The following GABBR2 variants were observed in gnomAD, a reference collection of about 807,000 sequenced individuals.
GABBR2 encodes G-protein coupled receptor 51.
A neutral mutation model predicts 105.6 loss-of-function variants in GABBR2; 23 were observed. The observed-to-expected ratio is 0.22, with a 90% CI of 0.16 to 0.31. The LOEUF is 0.31. Ranked by LOEUF, GABBR2 falls within the 10% of genes least tolerant of loss-of-function variation. GABBR2 has a pLI of 1.00. For synonymous variants in GABBR2, 478 were observed against 499.7 expected (o/e 0.96, Z 0.58); for missense variants, 734 against 1,245.5 (o/e 0.59, Z 6.18).
At chr9:98,316,892 G>A (rs760591762) in intron 13 of GABBR2, among the ~76,000 whole-genome samples, 1 of 152,120 alleles carries the variant, frequency 6.6e-6, no homozygotes, top group East Asian at 1.9e-4. Flanking sequence ...AGTAAGTCTC[G>A]GGGCTGAGAT....
chr9:98,677,662 GA>G (rs1830493084), intron 1 of GABBR2, among the ~76,000 whole-genome samples: 1 of 152,104 alleles, frequency 6.6e-6, no homozygotes, highest in Non-Finnish European at 1.5e-5. Flanking sequence ...ATCCCTATGG[GA>G]TCATCCCTTC....
intron 1 of GABBR2, among the ~76,000 whole-genome samples, chr9:98,699,399 AC>A (rs1271484999): frequency 6.6e-6 from 1 of 151,974 alleles, no homozygotes; most frequent in African/African-American, 2.4e-5. Context: ...AATAATAAGA[AC>A]CCGAAAGAAT....
chr9:98,481,013 C>T lies in GABBR2; in HGVS notation c.733-16G>A, dbSNP rs754011614. 5.1e-6 allele frequency: 8 copies of T among 1,560,338 alleles called. No individual in the cohort carries two copies. In the South Asian group the frequency reaches 8.9e-5, roughly 17 times the overall value. ...CATCATTCCCCTGTGGATGGAAGGACACATCATGAAGGTGAGTAGATGTTC... is the reference window on the plus strand; with the variant it reads ...CATCATTCCCCTGTGGATGGAAGGATACATCATGAAGGTGAGTAGATGTTC... On this transcript the variant is annotated splice_polypyrimidine_tract_variant and intron_variant, in intron 4 of 18. Coordinates refer to ENST00000259455, the MANE Select transcript of GABBR2 (RefSeq NM_005458.8).
At chr9:98,479,465 C>A (rs1352017814) in intron 5 of GABBR2, among the ~76,000 whole-genome samples, 1 of 152,222 alleles carries the variant, frequency 6.6e-6, no homozygotes, top group Non-Finnish European at 1.5e-5. Context: ...AGCTGATTGG[C>A]TCCTGAGTGC....
In GABBR2 at chr9:98,708,411, A is replaced by G; in HGVS notation, c.321+6T>C. 7.0e-7 allele frequency: 1 copy of G among 1,426,284 alleles called. No individual in the cohort carries two copies. The highest frequency in any genetic ancestry group is 1.6e-5 in the South Asian group (1 of 61,744). 88.4% of individuals were successfully genotyped at this position (1,426,284 alleles called of 1,614,324 possible). On this transcript the variant is annotated splice_donor_region_variant and intron_variant, in intron 1 of 18. Transcript: ENST00000259455. ...GCCCCGACGGCAGGGGCAGCCGGAC[A>G]CTCACCTCCGTGTCATAGAGCCGCA...
At chr9:98,576,454 C>T (rs1201566913) in intron 2 of GABBR2, among the ~76,000 whole-genome samples, 2 of 152,158 alleles carry the variant, frequency 1.3e-5, no homozygotes, top group Non-Finnish European at 2.9e-5. Context: ...TCTGACTACC[C>T]CAAGGCAGTC....
At chr9:98,292,175 T>C (rs73490762) in intron 18 of GABBR2, among the ~76,000 whole-genome samples, 19,528 of 152,280 alleles carry the variant, frequency 0.13, 4,204 homozygotes, top group African/African-American at 0.44. Context: ...TGAGTTCTTA[T>C]GCCTTCTTGT....
At chr9:98,405,299 G>C (rs145398698) in intron 8 of GABBR2, among the ~76,000 whole-genome samples, 4 of 152,106 alleles carry the variant, frequency 2.6e-5, no homozygotes, top group Non-Finnish European at 5.9e-5. Flanking sequence ...GCATGTCTGT[G>C]GTCCCAGCTA....
chr9:98,506,661 T>A (rs988598607), intron 3 of GABBR2, among the ~76,000 whole-genome samples: 1 of 152,186 alleles, frequency 6.6e-6, no homozygotes, highest in Non-Finnish European at 1.5e-5. Flanking sequence ...TGTGGGGACA[T>A]ATGGGGCCTG....
At chr9:98,331,396 C>CTTTTTTTTT (rs142735341) in intron 13 of GABBR2, among the ~76,000 whole-genome samples, 97 of 75,990 alleles carry the variant, frequency 1.3e-3, no homozygotes, top group Non-Finnish European at 1.4e-3. Context: ...AGTCCCTCTT[C>CTTTTTTTTT]TTTTTTTTTT....
chr9:98,589,711 C>CTTTT (rs561852717), intron 1 of GABBR2, among the ~76,000 whole-genome samples: 1 of 132,726 alleles, frequency 7.5e-6, no homozygotes, highest in Non-Finnish European at 1.6e-5. Flanking sequence ...GTTTGGCTGT[C>CTTTT]TTTTTTTTTT....
At chr9:98,700,935 A>G (rs959873816) in intron 1 of GABBR2, among the ~76,000 whole-genome samples, 1 of 152,168 alleles carries the variant, frequency 6.6e-6, no homozygotes, top group Non-Finnish European at 1.5e-5. Flanking sequence ...CCTCTGACAC[A>G]CTGGACTTTG....
chr9:98,589,993 T>G (rs953413183), intron 1 of GABBR2, among the ~76,000 whole-genome samples: 1 of 152,194 alleles, frequency 6.6e-6, no homozygotes, highest in African/African-American at 2.4e-5. Context: ...CCTTCCAAAG[T>G]GCTAGGATAA....
rs117212813 is a variant in GABBR2 at position 98,417,573 on chromosome 9, C to T, written c.1237-11432G>A. On this transcript the variant is annotated intron_variant, in intron 7 of 18. Coordinates refer to ENST00000259455, the MANE Select transcript of GABBR2 (RefSeq NM_005458.8). ...ATTGTGTTCCTTCCCTTCTCTGGGCCCCAGTTTCCTCATTGATAAAATGAG... is the reference window on the plus strand; with the variant it reads ...ATTGTGTTCCTTCCCTTCTCTGGGCTCCAGTTTCCTCATTGATAAAATGAG... Among the ~76,000 whole-genome samples the T allele has an allele frequency of 8.1e-4, 123 of 152,264 alleles. 2 individuals carry two copies. In the East Asian group the frequency reaches 0.022, roughly 27 times the overall value.
At chr9:98,456,477 G>A (rs1765578278) in intron 6 of GABBR2, among the ~76,000 whole-genome samples, 1 of 152,032 alleles carries the variant, frequency 6.6e-6, no homozygotes, top group Admixed American at 6.6e-5. Flanking sequence ...CTTGCTTATG[G>A]TCTGTGGTTT....
At chr9:98,702,784 C>T (rs912438982) in intron 1 of GABBR2, among the ~76,000 whole-genome samples, 1 of 152,228 alleles carries the variant, frequency 6.6e-6, no homozygotes, top group African/African-American at 2.4e-5. Context: ...ATATGATCTT[C>T]CCTTTCTCTT....
chr9:98,390,387 A>C (rs1325692226), intron 9 of GABBR2, among the ~76,000 whole-genome samples: 1 of 149,446 alleles, frequency 6.7e-6, no homozygotes, highest in African/African-American at 2.5e-5. Context: ...AAAAAAAAAA[A>C]AAAAAAAAAA....
In GABBR2 at chr9:98,495,953, G is replaced by A. The variant is rs148769708; in HGVS notation, c.732+460C>T. The A allele has an allele frequency of 1.3e-4, 22 of 167,138 alleles. No homozygotes were observed. The South Asian group carries it at 1.5e-3, about 12-fold the overall frequency. 10.4% of individuals were successfully genotyped at this position (167,138 alleles called of 1,614,324 possible). Reference sequence around the variant, plus strand: ...AGAAGGAATGGACAAATGAAAATTAGAGACTGACTTACAACTGGGGAAACT... The same window carrying A: ...AGAAGGAATGGACAAATGAAAATTAAAGACTGACTTACAACTGGGGAAACT... On this transcript the variant is annotated intron_variant, in intron 4 of 18. Transcript: ENST00000259455.
chr9:98,602,185 T>A (rs1365699491), intron 1 of GABBR2, among the ~76,000 whole-genome samples: 1 of 151,276 alleles, frequency 6.6e-6, no homozygotes, highest in Non-Finnish European at 1.5e-5. Flanking sequence ...TTTTTTTAAT[T>A]GTTGGTGGCC....
Sources: gnomAD v4.1 joint callset for allele counts (sites outside exome capture counted in the v4.1 genomes callset) on GRCh38, gnomAD v4.1.1 for gene constraint, MANE v1.5 for transcripts, NCBI Gene and HGNC (gene_info 2026-07-23, HGNC 2026-07-21) for gene names.